Variants in STS observed in about 807,000 individuals in gnomAD.
STS encodes steroid sulfatase.
STS carries 7 observed loss-of-function variants against 26.8 expected under a neutral mutation model. The ratio of observed to expected loss-of-function variants is 0.26; its 90% CI spans 0.15 to 0.49. The LOEUF is 0.49. STS is among the 20% of genes least tolerant of loss of function. STS has a pLI of 0.98. For missense variants in STS, 434 were observed against 465.6 expected, an observed-to-expected ratio of 0.93 and a Z score of 0.63; for synonymous variants, 199 against 189.4, an observed-to-expected ratio of 1.05 and a Z score of -0.42.
Position 7,351,850 on chromosome X carries a change from A to G in STS, c.*1589A>G, listed in dbSNP as rs1483489216. On this transcript the variant is annotated 3_prime_UTR_variant, in exon 11 of 11. Coordinates refer to ENST00000674429, the MANE Select transcript of STS (RefSeq NM_001320752.2). ...TGGGAAGTTGGAGCAAGAGGGGCAT[A>G]CTATTGGGCTGGGAGGATTTGACAG... The G allele has an allele frequency of 2.8e-5, 3 of 109,036 alleles. No individual in the cohort carries two copies. The highest frequency in any genetic ancestry group is 1.0e-4 in the African/African-American group (3 of 29,841). The allele number at this position is 109,036 out of a possible 1,213,427, so 9.0% of individuals were successfully genotyped here.
intron 2 of STS, chrX:7,219,739 T>A (rs111743497): frequency 1.0e-5 from 12 of 1,168,390 alleles, no homozygotes; most frequent in Non-Finnish European, 7.0e-6. Context: ...TGAAACATAC[T>A]AGTTGGGATG....
intron 1 of STS, among the ~76,000 whole-genome samples, chrX:7,184,410 G>T (rs1405887895): frequency 1.8e-5 from 2 of 112,326 alleles, no homozygotes; most frequent in African/African-American, 6.5e-5. Context: ...ATAATTGCCT[G>T]GAATTTTTAA....
intron 2 of STS, among the ~76,000 whole-genome samples, chrX:7,243,193 G>C (rs1025698905): frequency 9.0e-6 from 1 of 111,685 alleles, no homozygotes; most frequent in Admixed American, 9.5e-5. Context: ...CTCCTGATTA[G>C]CTGGGACTAC....
At chrX:7,239,768 T>A (rs548029960) in intron 2 of STS, among the ~76,000 whole-genome samples, 1 of 111,838 alleles carries the variant, frequency 8.9e-6, no homozygotes, top group African/African-American at 3.2e-5. Context: ...CTGTTTCAGT[T>A]TTTTGAAACC....
chrX:7,248,909 C>T (rs778771794), intron 2 of STS, among the ~76,000 whole-genome samples: 2 of 110,820 alleles, frequency 1.8e-5, no homozygotes, highest in African/African-American at 3.3e-5. Flanking sequence ...TAATAATCTA[C>T]CACCCATTTT....
intron 2 of STS, among the ~76,000 whole-genome samples, chrX:7,211,908 A>C (rs1438405154): frequency 1.8e-5 from 2 of 109,521 alleles, no homozygotes; most frequent in East Asian, 5.7e-4. Context: ...GCTACATATA[A>C]AAGCCAAACT....
chrX:7,340,733 G>A (rs1206304820), intron 10 of STS, among the ~76,000 whole-genome samples: 3 of 112,250 alleles, frequency 2.7e-5, no homozygotes, highest in Non-Finnish European at 5.6e-5. Flanking sequence ...ATCCAGAGGC[G>A]AATGGTCTAC....
intron 2 of STS, among the ~76,000 whole-genome samples, chrX:7,195,945 T>C (rs1413029037): frequency 9.8e-5 from 11 of 112,564 alleles, no homozygotes; most frequent in Admixed American, 6.6e-4. Flanking sequence ...ATGTAAAGAC[T>C]AGATAAGGTC....
At chrX:7,333,262 G>C (rs187792937) in intron 9 of STS, among the ~76,000 whole-genome samples, 72 of 112,292 alleles carry the variant, frequency 6.4e-4, no homozygotes, top group African/African-American at 2.1e-3. Flanking sequence ...GTTAATTTAT[G>C]TTTAATGCAA....
In STS at chrX:7,352,260, A is replaced by T. The variant is rs1392465675; in HGVS notation, c.*1999A>T. 1 of 112,499 alleles carries T rather than the reference A, an allele frequency of 8.9e-6. No homozygotes were observed. Among genetic ancestry groups the T allele is most frequent in the African/African-American group, 3.2e-5 (1 of 31,033 alleles). 9.3% of individuals were successfully genotyped at this position (112,499 alleles called of 1,213,427 possible). On this transcript the variant is annotated 3_prime_UTR_variant, in exon 11 of 11. Coordinates refer to ENST00000674429, the MANE Select transcript of STS (RefSeq NM_001320752.2). ...TAAGACTTTCTGAAAACACTTGATG[A>T]TGTGGAAATGCTGCAGGATTAAATA...
intron 10 of STS, among the ~76,000 whole-genome samples, chrX:7,338,404 A>G (rs1212329737): frequency 8.9e-6 from 1 of 112,326 alleles, no homozygotes; most frequent in African/African-American, 3.2e-5. Flanking sequence ...CTAGAATGCA[A>G]TGCAATATAG....
At chrX:7,258,425 A>C (rs1362724783) in intron 5 of STS, among the ~76,000 whole-genome samples, 1 of 111,781 alleles carries the variant, frequency 8.9e-6, no homozygotes, top group East Asian at 2.8e-4. Context: ...TATACATAGA[A>C]AGAATATACA....
At chrX:7,167,372 C>T (rs1019240921) in intron 1 of STS, among the ~76,000 whole-genome samples, 1 of 109,966 alleles carries the variant, frequency 9.1e-6, no homozygotes, top group African/African-American at 3.3e-5. Flanking sequence ...TGTGCCACCA[C>T]GCCCAGCTAA....
intron 1 of STS, among the ~76,000 whole-genome samples, chrX:7,184,192 C>A (rs1249495010): frequency 7.2e-5 from 8 of 111,878 alleles, no homozygotes; most frequent in African/African-American, 2.3e-4. Flanking sequence ...AGTTGAAATT[C>A]TTCTCCCTTA....
chrX:7,276,727 C>T (rs1157101803), intron 7 of STS, among the ~76,000 whole-genome samples: 1 of 112,139 alleles, frequency 8.9e-6, no homozygotes. Context: ...GCTCTCAGGG[C>T]AACAGTGACG....
At chrX:7,205,075 C>T (rs775640152) in intron 2 of STS, among the ~76,000 whole-genome samples, 5 of 111,530 alleles carry the variant, frequency 4.5e-5, no homozygotes, top group Non-Finnish European at 9.4e-5. Flanking sequence ...ATGTGTGGTA[C>T]CCAGACTCCA....
At chrX:7,272,779 C>T (rs1027158603) in intron 6 of STS, among the ~76,000 whole-genome samples, 6 of 111,430 alleles carry the variant, frequency 5.4e-5, no homozygotes, top group African/African-American at 2.0e-4. Context: ...GCCTGGTGGT[C>T]TGGTGGGAGA....
At chrX:7,169,376 T>C (rs1239709936) in intron 1 of STS, among the ~76,000 whole-genome samples, 3 of 112,510 alleles carry the variant, frequency 2.7e-5, no homozygotes, top group African/African-American at 9.7e-5. Flanking sequence ...TGTTGTAGCA[T>C]GTATCAGAAT....
At position 7,172,335 on chromosome X, in the gene STS, T is replaced by C. The variant is rs541772228; in HGVS notation, c.-133-18545T>C. On this transcript the variant is annotated intron_variant, in intron 1 of 10. Coordinates refer to ENST00000674429, the MANE Select transcript of STS (RefSeq NM_001320752.2). ...TTCTGGAAGCCCCCACGCCCCTCACTGTTCGTGATGCCTGCCTGTTTTCCG... is the reference window on the plus strand; with the variant it reads ...TTCTGGAAGCCCCCACGCCCCTCACCGTTCGTGATGCCTGCCTGTTTTCCG... 6.3e-5 allele frequency among the ~76,000 whole-genome samples: 7 copies of C among 111,143 alleles called. No homozygotes were observed. In the South Asian group the frequency reaches 1.1e-3, roughly 18 times the overall value.
Sources: gnomAD v4.1 joint callset for allele counts (sites outside exome capture counted in the v4.1 genomes callset) on GRCh38, gnomAD v4.1.1 for gene constraint, MANE v1.5 for transcripts, NCBI Gene and HGNC (gene_info 2026-07-23, HGNC 2026-07-21) for gene names.